Variants in MED12L observed in about 807,000 individuals in gnomAD.
MED12L encodes the protein mediator complex subunit 12L.
MED12L carries 60 observed loss-of-function variants against 281.3 expected under a neutral mutation model. The observed-to-expected ratio is 0.21, with a 90% CI of 0.17 to 0.26. The LOEUF is 0.26. Ranked by LOEUF, MED12L falls within the 10% of genes least tolerant of loss-of-function variation. The pLI is 1.00. For synonymous variants in MED12L, 974 were observed against 987.2 expected (o/e 0.99, Z 0.25); for missense variants, 2,146 against 2,680.9 (o/e 0.80, Z 4.41).
chr3:151,384,166 G>A lies in MED12L; in HGVS notation c.4874G>A (p.Gly1625Glu). 6.2e-7 allele frequency: 1 copy of A among 1,613,952 alleles called. No homozygotes were observed. Among genetic ancestry groups the A allele is most frequent in the Non-Finnish European group, 8.5e-7 (1 of 1,179,924 alleles). The change falls in exon 35 of 45, where the codon GGG (glycine) becomes GAG (glutamate). Residue 1625 changes from glycine (G) to glutamate (E), a missense_variant. Gly to Glu is a moderately conservative substitution (Grantham distance 98). This residue lies in a region of MED12L where 212 missense variants were observed against 340.8 expected (regional missense o/e 0.62). Transcript: ENST00000687756. ...LASDLSNASPGGSEENKRAYM... is the reference protein window; with the variant it reads ...LASDLSNASPEGSEENKRAYM... ...TCTGACCTATCAAATGCATCCCCTG[G>A]GGGATCTGAAGAGAACAAGCGTGCA...
intron 4 of MED12L, among the ~76,000 whole-genome samples, chr3:151,127,388 A>G (rs1714694479): frequency 6.6e-6 from 1 of 152,194 alleles, no homozygotes; most frequent in Non-Finnish European, 1.5e-5. Context: ...CTTTGTACAC[A>G]CACAAAAAAA....
chr3:151,294,606 AGC>A, intron 16 of MED12L: 1 of 1,614,190 alleles, frequency 6.2e-7, no homozygotes, highest in Non-Finnish European at 8.5e-7. Flanking sequence ...GCCACAAACA[AGC>A]AGCTGTTCAC....
At chr3:151,340,235 G>A (rs997060685) in intron 16 of MED12L, among the ~76,000 whole-genome samples, 5 of 152,060 alleles carry the variant, frequency 3.3e-5, no homozygotes, top group Non-Finnish European at 7.4e-5. Flanking sequence ...TTGGAAATTC[G>A]ACTTAGTGAA....
At chr3:151,251,826 T>A (rs1207257143) in intron 16 of MED12L, among the ~76,000 whole-genome samples, 2 of 152,240 alleles carry the variant, frequency 1.3e-5, no homozygotes, top group Non-Finnish European at 1.5e-5. Flanking sequence ...GCTATTTGTG[T>A]ACTTGCTTCT....
At chr3:151,304,304 G>C (rs908312085) in intron 16 of MED12L, among the ~76,000 whole-genome samples, 6 of 152,194 alleles carry the variant, frequency 3.9e-5, no homozygotes, top group Admixed American at 1.3e-4. Context: ...GGCCAGGCAC[G>C]GTGGCTCATG....
chr3:151,293,996 T>C, intron 16 of MED12L: 1 of 596,584 alleles, frequency 1.7e-6, no homozygotes, highest in South Asian at 2.2e-5. Context: ...ATACGCTACC[T>C]CTTGTTTATC....
intron 20 of MED12L, among the ~76,000 whole-genome samples, chr3:151,359,270 A>G (rs1476781394): frequency 6.6e-6 from 1 of 152,074 alleles, no homozygotes; most frequent in Non-Finnish European, 1.5e-5. Flanking sequence ...GTTCTTTTTT[A>G]TGGCTGCATA....
chr3:151,268,021 T>C lies in MED12L; in HGVS notation c.2250+74355T>C, dbSNP rs142401431. 1.4e-3 allele frequency among the ~76,000 whole-genome samples: 212 copies of C among 152,334 alleles called. 2 individuals carry two copies. The highest frequency in any genetic ancestry group is 4.2e-3 in the Admixed American group (65 of 15,302). On this transcript the variant is annotated intron_variant, in intron 16 of 44. Transcript: ENST00000687756. ...GTAATTTTTGCTCTTTTTAGTCTTA[T>C]GCGTTCTTAGTAAAGTCTCAAGGAA...
intron 11 of MED12L, among the ~76,000 whole-genome samples, chr3:151,183,673 C>T (rs188655521): frequency 1.2e-4 from 18 of 152,348 alleles, no homozygotes; most frequent in Admixed American, 4.6e-4. Flanking sequence ...TGAGACATTA[C>T]TGATCACATA....
At chr3:151,278,698 G>T (rs1742309800) in intron 16 of MED12L, among the ~76,000 whole-genome samples, 1 of 152,198 alleles carries the variant, frequency 6.6e-6, no homozygotes, top group Non-Finnish European at 1.5e-5. Flanking sequence ...CATGTGGTAT[G>T]AGGTGGAGAA....
At chr3:151,252,971 ATATT>A (rs1267609388) in intron 16 of MED12L, among the ~76,000 whole-genome samples, 1 of 152,188 alleles carries the variant, frequency 6.6e-6, no homozygotes, top group Non-Finnish European at 1.5e-5. Context: ...ATTTAGGAGA[ATATT>A]TATTTTAAGG....
intron 16 of MED12L, among the ~76,000 whole-genome samples, chr3:151,222,668 A>G (rs1424320127): frequency 6.6e-6 from 1 of 152,222 alleles, no homozygotes; most frequent in Admixed American, 6.5e-5. Context: ...TTTCTTTTGT[A>G]AATTGCCCAT....
intron 19 of MED12L, among the ~76,000 whole-genome samples, chr3:151,356,375 G>T (rs1448643764): frequency 6.6e-6 from 1 of 152,082 alleles, no homozygotes; most frequent in African/African-American, 2.4e-5. Flanking sequence ...CTATGGGACA[G>T]TGCAAGGCCC....
At chr3:151,091,795 G>A (rs908667178) in intron 2 of MED12L, among the ~76,000 whole-genome samples, 4 of 152,192 alleles carry the variant, frequency 2.6e-5, no homozygotes, top group African/African-American at 9.6e-5. Flanking sequence ...ATTGCCTGCA[G>A]CCAAACAGCC....
chr3:151,163,383 C>T (rs1720250234), intron 8 of MED12L, among the ~76,000 whole-genome samples: 1 of 152,218 alleles, frequency 6.6e-6, no homozygotes, highest in South Asian at 2.1e-4. Context: ...AAGCTTAAAA[C>T]ATTTACTATC....
intron 16 of MED12L, among the ~76,000 whole-genome samples, chr3:151,244,297 A>G (rs1374809240): frequency 1.6e-5 from 2 of 127,440 alleles, no homozygotes; most frequent in Admixed American, 8.4e-5. Context: ...TCTCCACCCC[A>G]AATCAACAGA....
intron 16 of MED12L, among the ~76,000 whole-genome samples, chr3:151,230,499 A>G (rs1731439622): frequency 6.6e-6 from 1 of 151,854 alleles, no homozygotes; most frequent in South Asian, 2.1e-4. Flanking sequence ...TATACTATAC[A>G]CTACACTTTG....
At chr3:151,233,773 G>A (rs900859308) in intron 16 of MED12L, among the ~76,000 whole-genome samples, 5 of 152,166 alleles carry the variant, frequency 3.3e-5, no homozygotes, top group African/African-American at 9.7e-5. Flanking sequence ...ACTTGAGAGC[G>A]AGAGTCCCAC....
At chr3:151,417,053 A>C (rs6769724) in intron 43 of MED12L, among the ~76,000 whole-genome samples, 1 of 152,184 alleles carries the variant, frequency 6.6e-6, no homozygotes, top group East Asian at 1.9e-4. Flanking sequence ...AAATAAATGT[A>C]GTTTTCAAAG....
Sources: allele counts gnomAD v4.1 joint callset (sites outside exome capture counted in the v4.1 genomes callset), GRCh38; gene constraint gnomAD v4.1.1; regional missense constraint gnomAD v4.1.1; transcripts MANE v1.5; gene names NCBI Gene and HGNC (gene_info 2026-07-23, HGNC 2026-07-21).